The following ZCCHC7 variants were observed in gnomAD, a reference collection of about 807,000 sequenced individuals.
ZCCHC7 encodes the protein zinc finger CCHC-type containing 7, also known as zinc finger CCHC domain-containing protein 7.
ZCCHC7 carries 35 observed loss-of-function variants against 52.0 expected under a neutral mutation model. The ratio of observed to expected loss-of-function variants is 0.67; its 90% CI spans 0.51 to 0.89. The LOEUF is 0.89. Ranked by LOEUF, ZCCHC7 falls within the 40% of genes least tolerant of loss-of-function variation. ZCCHC7 has a pLI of 0.00. For missense variants in ZCCHC7, 574 were observed against 649.1 expected (o/e 0.88, Z 1.26); for synonymous variants, 217 against 221.5 (o/e 0.98, Z 0.18).
At chr9:37,228,137 G>A (rs539043263) in intron 2 of ZCCHC7, among the ~76,000 whole-genome samples, 17 of 152,182 alleles carry the variant, frequency 1.1e-4, no homozygotes, top group African/African-American at 3.9e-4. Flanking sequence ...AGATACAGTG[G>A]ACTATGTACT....
chr9:37,183,025 AAAG>A (rs1425016291), intron 2 of ZCCHC7, among the ~76,000 whole-genome samples: 2 of 152,244 alleles, frequency 1.3e-5, no homozygotes, highest in Non-Finnish European at 2.9e-5. Context: ...GAGAAACAGA[AAAG>A]AAATCCTTCA....
intron 2 of ZCCHC7, among the ~76,000 whole-genome samples, chr9:37,146,614 A>G (rs565592391): frequency 9.9e-5 from 15 of 151,944 alleles, no homozygotes; most frequent in Non-Finnish European, 1.3e-4. Context: ...TAACTTCCTC[A>G]TGTGGTTTAC....
intron 2 of ZCCHC7, among the ~76,000 whole-genome samples, chr9:37,267,245 C>A (rs1173422115): frequency 2.0e-5 from 3 of 152,202 alleles, no homozygotes; most frequent in Admixed American, 1.3e-4. Context: ...TGAGATGAAT[C>A]TTCTTAGTTT....
At chr9:37,274,019 A>G (rs1827560929) in intron 2 of ZCCHC7, among the ~76,000 whole-genome samples, 1 of 152,216 alleles carries the variant, frequency 6.6e-6, no homozygotes, top group Non-Finnish European at 1.5e-5. Flanking sequence ...GCAAAAATAA[A>G]AATGGTACTC....
At chr9:37,336,486 T>A (rs990324413) in intron 6 of ZCCHC7, among the ~76,000 whole-genome samples, 1 of 152,130 alleles carries the variant, frequency 6.6e-6, no homozygotes, top group Non-Finnish European at 1.5e-5. Flanking sequence ...ATAAGCAGAG[T>A]TGGGATGGCA....
At chr9:37,287,745 T>A (rs1289860392) in intron 2 of ZCCHC7, among the ~76,000 whole-genome samples, 2 of 152,176 alleles carry the variant, frequency 1.3e-5, no homozygotes, top group East Asian at 3.9e-4. Context: ...ATATACTTAT[T>A]ATAGGTACAT....
chr9:37,214,712 A>G (rs79456534), intron 2 of ZCCHC7, among the ~76,000 whole-genome samples: 5,002 of 151,960 alleles, frequency 0.033, 106 homozygotes, highest in Non-Finnish European at 0.051. Context: ...GTTTATTTTC[A>G]TAATTGTGTC....
intron 2 of ZCCHC7, among the ~76,000 whole-genome samples, chr9:37,243,362 C>T (rs1011777885): frequency 6.6e-6 from 1 of 151,818 alleles, no homozygotes; most frequent in African/African-American, 2.4e-5. Flanking sequence ...TATCTGGTCA[C>T]TAATACTGTG....
chr9:37,275,455 T>C (rs1827640894), intron 2 of ZCCHC7, among the ~76,000 whole-genome samples: 1 of 152,096 alleles, frequency 6.6e-6, no homozygotes, highest in Non-Finnish European at 1.5e-5. Context: ...TGGGATATTT[T>C]ATTTTGTGAC....
At chr9:37,190,476 C>T (rs1822963073) in intron 2 of ZCCHC7, among the ~76,000 whole-genome samples, 1 of 152,132 alleles carries the variant, frequency 6.6e-6, no homozygotes, top group African/African-American at 2.4e-5. Flanking sequence ...ACTAAATCAT[C>T]TGTTTGATAT....
At chr9:37,121,523 T>A (rs1446646469) in intron 1 of ZCCHC7, 1 of 152,208 alleles carries the variant, frequency 6.6e-6, no homozygotes, top group South Asian at 2.1e-4. Flanking sequence ...TGACTTCGTG[T>A]TTGAATAGTT....
intron 5 of ZCCHC7, chr9:37,325,903 C>A (rs904732091): frequency 6.6e-5 from 10 of 152,154 alleles, no homozygotes; most frequent in African/African-American, 9.7e-5. Context: ...ATGTACAGAG[C>A]AATCAGATGA....
At chr9:37,224,546 C>T (rs1429479471) in intron 2 of ZCCHC7, among the ~76,000 whole-genome samples, 1 of 152,088 alleles carries the variant, frequency 6.6e-6, no homozygotes, top group Non-Finnish European at 1.5e-5. Flanking sequence ...CAGTATAGGA[C>T]ACTAATCTTA....
At position 37,357,164 on chromosome 9, in the gene ZCCHC7, C is replaced by G. The variant is rs746374056; in HGVS notation, c.1528C>G (p.Pro510Ala). 6.2e-7 allele frequency: 1 copy of G among 1,613,366 alleles called. No individual in the cohort carries two copies. The highest frequency in any genetic ancestry group is 8.5e-7 in the Non-Finnish European group (1 of 1,179,892). Residue 510 changes from proline to alanine, a missense_variant, in exon 9 of 9, where the codon CCC (proline) becomes GCC (alanine). By Grantham distance (27) the Pro-to-Ala change is conservative. Transcript: ENST00000336755. ...HYHTSREDKS[P>A]KEGKRGKQKK... The stretch of plus-strand genomic sequence containing the variant: ...CCACACGTCAAGAGAAGACAAGTCT[C>G]CCAAGGAAGGCAAGAGGGGCAAGCA...
intron 2 of ZCCHC7, among the ~76,000 whole-genome samples, chr9:37,210,824 T>C (rs1824178390): frequency 6.6e-6 from 1 of 152,216 alleles, no homozygotes; most frequent in Non-Finnish European, 1.5e-5. Context: ...TTAATCTCTT[T>C]TGCATATTTT....
At chr9:37,283,714 C>G (rs1235324553) in intron 2 of ZCCHC7, among the ~76,000 whole-genome samples, 2 of 152,078 alleles carry the variant, frequency 1.3e-5, no homozygotes, top group Non-Finnish European at 2.9e-5. Flanking sequence ...AATTCTGACT[C>G]TTATAAAATT....
chr9:37,272,318 C>T (rs1827456937), intron 2 of ZCCHC7, among the ~76,000 whole-genome samples: 1 of 151,956 alleles, frequency 6.6e-6, no homozygotes, highest in East Asian at 1.9e-4. Flanking sequence ...TTCACGTTAA[C>T]TTTCTCTTAC....
chr9:37,198,517 C>T (rs1823406972), intron 2 of ZCCHC7, among the ~76,000 whole-genome samples: 1 of 152,174 alleles, frequency 6.6e-6, no homozygotes, highest in South Asian at 2.1e-4. Context: ...TCACTTTTGC[C>T]CTGGAGTGCT....
chr9:37,237,206 G>A (rs906838573), intron 2 of ZCCHC7, among the ~76,000 whole-genome samples: 1 of 152,176 alleles, frequency 6.6e-6, no homozygotes, highest in Non-Finnish European at 1.5e-5. Flanking sequence ...TGAACTGCCA[G>A]TGCCCCTGCT....
Sources: gnomAD v4.1 joint callset for allele counts (sites outside exome capture counted in the v4.1 genomes callset) on GRCh38, gnomAD v4.1.1 for gene constraint, MANE v1.5 for transcripts, NCBI Gene and HGNC (gene_info 2026-07-23, HGNC 2026-07-21) for gene names.